PDGFRL: variants seen among roughly 807,000 people sequenced by gnomAD.
PDGFRL encodes the protein platelet derived growth factor receptor like, also known as platelet-derived growth factor receptor-like protein.
Under a neutral mutation model 37.2 loss-of-function variants are expected in PDGFRL, and 46 were observed. That is an observed-to-expected ratio of 1.24 (90% CI 0.98 to 1.58). The LOEUF is 1.58. Ranked by LOEUF, PDGFRL falls within the 40% of genes most tolerant of loss-of-function variation. The pLI is 0.00. For missense variants in PDGFRL, 692 were observed against 467.6 expected (o/e 1.48, Z -4.43); for synonymous variants, 251 against 184.3 (o/e 1.36, Z -2.93).
Position 17,589,540 on chromosome 8 carries a change from A to G in PDGFRL, c.128A>G (p.Lys43Arg). ...PGENRIKPTN[K>R]KVKPKIPKMK... The stretch of plus-strand genomic sequence containing the variant: ...GAGAATAGAATCAAACCTACCAACA[A>G]GAAGGTGAAGCCCAAAATTCCTAAA... The change falls in exon 2 of 6, where the codon AAG becomes AGG. Residue 43 changes from lysine to arginine, a missense_variant. Transcript: ENST00000251630. 1 of 1,613,656 alleles carries G rather than the reference A, an allele frequency of 6.2e-7. No individual in the cohort carries two copies. The highest frequency in any genetic ancestry group is 2.2e-5 in the East Asian group (1 of 44,892).
intron 2 of PDGFRL, among the ~76,000 whole-genome samples, chr8:17,605,235 C>G (rs2720487): frequency 6.6e-6 from 1 of 152,138 alleles, no homozygotes; most frequent in South Asian, 2.1e-4. Context: ...TCCTCATTGC[C>G]TTCAGAAGAA....
chr8:17,627,772 G>A (rs940215991), intron 3 of PDGFRL, among the ~76,000 whole-genome samples: 39 of 151,316 alleles, frequency 2.6e-4, no homozygotes, highest in African/African-American at 9.2e-4. Context: ...CACCACGCCT[G>A]GCCAGATTGC....
chr8:17,601,183 C>T (rs1426590634), intron 2 of PDGFRL, among the ~76,000 whole-genome samples: 2 of 152,358 alleles, frequency 1.3e-5, no homozygotes, highest in Middle Eastern at 3.4e-3. Flanking sequence ...AATTGTCCCA[C>T]TTCTTCCTAT....
At chr8:17,594,716 G>C (rs1228079309) in intron 2 of PDGFRL, among the ~76,000 whole-genome samples, 1 of 152,032 alleles carries the variant, frequency 6.6e-6, no homozygotes, top group East Asian at 1.9e-4. Context: ...CACCATGCCT[G>C]GCTAATTTTT....
chr8:17,589,693 T>C lies in PDGFRL; in HGVS notation c.281T>C (p.Leu94Pro), dbSNP rs753223711. 1 of 1,613,590 alleles carries C rather than the reference T, an allele frequency of 6.2e-7. No individual in the cohort carries two copies. Among genetic ancestry groups the C allele is most frequent in the East Asian group, 2.2e-5 (1 of 44,852 alleles). Residue 94 changes from leucine to proline, a missense_variant, in exon 2 of 6, where the codon CTT (leucine) becomes CCT (proline). By Grantham distance (98) the Leu-to-Pro change is moderately conservative. Coordinates refer to ENST00000251630, the MANE Select transcript of PDGFRL (RefSeq NM_001372073.1). ...LSLLAGQTVE[L>P]RCKGSRIGWS... ...CTGCTGGCGGGGCAAACTGTAGAGCTTCGATGTAAAGGGAGTAGAATTGGG... is the reference window on the plus strand; with the variant it reads ...CTGCTGGCGGGGCAAACTGTAGAGCCTCGATGTAAAGGGAGTAGAATTGGG...
intron 3 of PDGFRL, 33 bp from the exon 4 acceptor site, chr8:17,628,454 G>A (rs896997797): frequency 2.5e-6 from 4 of 1,585,336 alleles, no homozygotes; most frequent in Non-Finnish European, 3.5e-6. Context: ...CGTCTCCGGA[G>A]TGAATAAGCC....
chr8:17,612,982 A>G (rs1804452806), intron 2 of PDGFRL, among the ~76,000 whole-genome samples: 1 of 152,212 alleles, frequency 6.6e-6, no homozygotes, highest in South Asian at 2.1e-4. Context: ...AAATTATCAA[A>G]ATATTCAAAC....
intron 1 of PDGFRL, among the ~76,000 whole-genome samples, chr8:17,579,138 A>C (rs1803653052): frequency 6.6e-6 from 1 of 152,172 alleles, no homozygotes; most frequent in South Asian, 2.1e-4. Context: ...CAGAGGTTGC[A>C]GTGAGCCGAG....
At chr8:17,635,188 C>T (rs116619133) in intron 5 of PDGFRL, among the ~76,000 whole-genome samples, 164 of 152,148 alleles carry the variant, frequency 1.1e-3, no homozygotes, top group African/African-American at 3.7e-3. Context: ...GTGTGTGTTA[C>T]GTGAATAAGT....
chr8:17,576,673 C>G (rs1478994957), upstream of PDGFRL: 1 of 979,466 alleles, frequency 1.0e-6, no homozygotes, highest in Non-Finnish European at 1.2e-6. Context: ...GTCCTCCCAC[C>G]CCCACCAGCA....
chr8:17,581,081 C>G (rs1252208141), intron 1 of PDGFRL, among the ~76,000 whole-genome samples: 1 of 152,118 alleles, frequency 6.6e-6, no homozygotes, highest in Non-Finnish European at 1.5e-5. Context: ...GTTACATTCA[C>G]AGATACCTGG....
intron 2 of PDGFRL, among the ~76,000 whole-genome samples, chr8:17,615,362 A>C (rs1051705330): frequency 3.9e-5 from 6 of 152,116 alleles, no homozygotes; most frequent in Non-Finnish European, 8.8e-5. Context: ...ACAAGCTGTT[A>C]GAGGTGCCAT....
At position 17,628,749 on chromosome 8, in the gene PDGFRL, C is replaced by T; in HGVS notation, c.768C>T (p.Ile256=). The T allele has an allele frequency of 1.2e-6, 2 of 1,614,004 alleles. No individual in the cohort carries two copies. Among genetic ancestry groups the T allele is most frequent in the Middle Eastern group, 1.7e-4 (1 of 6,052 alleles). The part of the protein sequence containing the change: ...CRAEAGGRSQ[I]SVKYQLLYVA... ...CGGAGGCCGGGGGCAGATCTCAGATCTCCGTCAAGTACCAGCTGCTCTATG... is the reference window on the plus strand; with the variant it reads ...CGGAGGCCGGGGGCAGATCTCAGATTTCCGTCAAGTACCAGCTGCTCTATG... Residue 256 remains isoleucine, a synonymous_variant, in exon 4 of 6, where the codon ATC becomes ATT. Coordinates refer to ENST00000251630, the MANE Select transcript of PDGFRL (RefSeq NM_001372073.1).
At chr8:17,593,884 A>G (rs796158511) in intron 2 of PDGFRL, among the ~76,000 whole-genome samples, 55 of 77,722 alleles carry the variant, frequency 7.1e-4, no homozygotes, top group African/African-American at 1.6e-3. Flanking sequence ...GTGAAACTCC[A>G]TCTCAAAAAA....
At chr8:17,625,251 G>A (rs935274277) in intron 3 of PDGFRL, among the ~76,000 whole-genome samples, 4 of 150,348 alleles carry the variant, frequency 2.7e-5, no homozygotes, top group Admixed American at 2.0e-4. Flanking sequence ...TCCCCGGTTC[G>A]AGCGATTCTC....
chr8:17,600,822 A>AAAT (rs1181721822), intron 2 of PDGFRL, among the ~76,000 whole-genome samples: 3 of 139,360 alleles, frequency 2.2e-5, no homozygotes, highest in African/African-American at 8.6e-5. Context: ...AAACAAAAAA[A>AAAT]CCTCTAAAAA....
At chr8:17,580,964 TG>T (rs1184494224) in intron 1 of PDGFRL, among the ~76,000 whole-genome samples, 7 of 151,888 alleles carry the variant, frequency 4.6e-5, no homozygotes, top group Admixed American at 2.0e-4. Context: ...CATACGTGTG[TG>T]TGTGTGTGTC....
At chr8:17,632,478 C>T (rs958851688) in intron 4 of PDGFRL, among the ~76,000 whole-genome samples, 3 of 152,040 alleles carry the variant, frequency 2.0e-5, no homozygotes, top group Non-Finnish European at 2.9e-5. Flanking sequence ...TCTGGGATTA[C>T]AGGCATGCGC....
chr8:17,636,868 T>C (rs1262190054), intron 5 of PDGFRL, among the ~76,000 whole-genome samples: 1 of 152,200 alleles, frequency 6.6e-6, no homozygotes. Flanking sequence ...TATATATTTT[T>C]TGCAGCTATT....
Sources: allele counts gnomAD v4.1 joint callset (sites outside exome capture counted in the v4.1 genomes callset), GRCh38; gene constraint gnomAD v4.1.1; transcripts MANE v1.5; gene names NCBI Gene and HGNC (gene_info 2026-07-23, HGNC 2026-07-21).